RPS6KC1: variants seen among roughly 807,000 people sequenced by gnomAD.
The protein encoded by RPS6KC1 is ribosomal protein S6 kinase C1.
A neutral mutation model predicts 103.8 loss-of-function variants in RPS6KC1; 54 were observed. The observed-to-expected ratio is 0.52, with a 90% confidence interval of 0.42 to 0.65. The LOEUF is 0.65. Ranked by LOEUF, RPS6KC1 falls within the 30% of genes least tolerant of loss-of-function variation. The pLI, the probability that RPS6KC1 is intolerant of heterozygous loss-of-function variation, is 0.00. For missense variants in RPS6KC1, 1,151 were observed against 1,253.8 expected (o/e 0.92, Z 1.24); for synonymous variants, 439 against 438.7 (o/e 1.00, Z -0.01).
chr1:213,485,888 T>C, the RPS6KC1 span, among the ~76,000 whole-genome samples: 1 of 152,142 alleles, frequency 6.6e-6, no homozygotes. Flanking sequence ...AAGAAAAAAA[T>C]GTGTGGCAGA....
chr1:213,800,116 C>A, the RPS6KC1 span, among the ~76,000 whole-genome samples: 1 of 152,128 alleles, frequency 6.6e-6, no homozygotes, highest in Admixed American at 6.5e-5. Flanking sequence ...AATCCGAATA[C>A]CGTCACATAG....
chr1:213,584,477 C>G, the RPS6KC1 span, among the ~76,000 whole-genome samples: 4 of 152,208 alleles, frequency 2.6e-5, no homozygotes, highest in Non-Finnish European at 5.9e-5. Context: ...CAACATCTGG[C>G]TTGTCCAGCT....
At chr1:213,763,894 AT>A in the RPS6KC1 span, among the ~76,000 whole-genome samples, 1 of 152,154 alleles carries the variant, frequency 6.6e-6, no homozygotes, top group Non-Finnish European at 1.5e-5. Flanking sequence ...ATTTATGTGA[AT>A]TTTATCTTCA....
the RPS6KC1 span, among the ~76,000 whole-genome samples, chr1:213,672,479 A>C: frequency 6.6e-6 from 1 of 152,212 alleles, no homozygotes; most frequent in East Asian, 1.9e-4. Flanking sequence ...GCTGAAAGTG[A>C]GACAGTGAAA....
At chr1:213,569,879 C>A in the RPS6KC1 span, among the ~76,000 whole-genome samples, 1 of 152,146 alleles carries the variant, frequency 6.6e-6, no homozygotes, top group Admixed American at 6.5e-5. Flanking sequence ...AAATCTAAGG[C>A]CTGCTGCCTC....
the RPS6KC1 span, among the ~76,000 whole-genome samples, chr1:213,616,916 C>A: frequency 6.6e-6 from 1 of 152,160 alleles, no homozygotes; most frequent in Non-Finnish European, 1.5e-5. Context: ...CAAAGGCCTG[C>A]ATTCATATCT....
chr1:213,261,761 C>T, intron 13 of RPS6KC1, 121 bp downstream of exon 13: 7 of 780,556 alleles, frequency 9.0e-6, no homozygotes, highest in East Asian at 5.0e-5. Flanking sequence ...ACTTTGATAT[C>T]GAAAGCAAGT....
At position 213,240,736 on chromosome 1, in the gene RPS6KC1, A is replaced by G; in HGVS notation, c.1260A>G (p.Leu420=). ...GKLWSYISKF[L]NRSPEESFDI... is the part of the protein sequence containing the mutation. ...TGTGGTCATATATCAGTAAATTTCT[A>G]AACAGAAGTCCTGAAGAAAGCTTTG... is the stretch of plus-strand genomic sequence containing the variant. The change falls in exon 11 of 15, where the codon CTA becomes CTG. Residue 420 remains leucine (L), a synonymous_variant. Transcript: ENST00000366960. 6.2e-7 allele frequency: 1 copy of G among 1,612,918 alleles called. No individual in the cohort carries two copies. The highest frequency in any genetic ancestry group is 2.2e-5 in the East Asian group (1 of 44,878).
the RPS6KC1 span, among the ~76,000 whole-genome samples, chr1:213,460,994 C>T: frequency 1.1e-4 from 16 of 151,992 alleles, no homozygotes; most frequent in Admixed American, 7.9e-4. Context: ...GTGGGTAACC[C>T]GACCTTTCTG....
the RPS6KC1 span, among the ~76,000 whole-genome samples, chr1:213,756,407 A>C: frequency 6.6e-6 from 1 of 152,196 alleles, no homozygotes. Flanking sequence ...ACAGAAAACT[A>C]GTACAGGCAT....
At chr1:213,492,132 C>T in the RPS6KC1 span, among the ~76,000 whole-genome samples, 1 of 152,196 alleles carries the variant, frequency 6.6e-6, no homozygotes, top group Non-Finnish European at 1.5e-5. Context: ...TTCGGCATGA[C>T]ACCATTGTGT....
chr1:213,568,858 G>T, the RPS6KC1 span, among the ~76,000 whole-genome samples: 5 of 152,198 alleles, frequency 3.3e-5, no homozygotes, highest in Non-Finnish European at 5.9e-5. Context: ...AGGGAATTGT[G>T]AGTCAAGGAG....
At chr1:213,439,430 A>G in the RPS6KC1 span, among the ~76,000 whole-genome samples, 1 of 151,904 alleles carries the variant, frequency 6.6e-6, no homozygotes, top group African/African-American at 2.4e-5. Context: ...TTATTGGTAG[A>G]ACTAAGAAGT....
the RPS6KC1 span, among the ~76,000 whole-genome samples, chr1:213,426,752 G>C: frequency 2.0e-5 from 3 of 152,040 alleles, no homozygotes; most frequent in African/African-American, 7.2e-5. Flanking sequence ...TTTTGCTTTT[G>C]TGTATTCTTT....
chr1:213,533,843 G>T, the RPS6KC1 span, among the ~76,000 whole-genome samples: 1 of 152,284 alleles, frequency 6.6e-6, no homozygotes, highest in East Asian at 1.9e-4. Flanking sequence ...ACACTGCAAA[G>T]GGAGAAAACA....
chr1:213,124,849 A>G (rs1487016784), intron 5 of RPS6KC1, among the ~76,000 whole-genome samples: 1 of 152,154 alleles, frequency 6.6e-6, no homozygotes, highest in East Asian at 1.9e-4. Flanking sequence ...CAGGCATGGT[A>G]AGATGCAACT....
chr1:213,249,194 A>T (rs894655955), intron 12 of RPS6KC1, among the ~76,000 whole-genome samples: 1 of 152,170 alleles, frequency 6.6e-6, no homozygotes, highest in African/African-American at 2.4e-5. Flanking sequence ...CCACTGCATT[A>T]TTATAAAGAA....
chr1:213,078,697 C>T (rs981651145), intron 3 of RPS6KC1, among the ~76,000 whole-genome samples: 6 of 152,158 alleles, frequency 3.9e-5, no homozygotes, highest in African/African-American at 9.7e-5. Flanking sequence ...CCACTGTGCC[C>T]GGGCCAGAAC....
the RPS6KC1 span, among the ~76,000 whole-genome samples, chr1:213,654,408 A>AT: frequency 1.0e-3 from 159 of 152,328 alleles, no homozygotes; most frequent in African/African-American, 3.2e-3. Context: ...TTCATATCCA[A>AT]TATATCCTTC....
Sources: allele counts gnomAD v4.1 joint callset (sites outside exome capture counted in the v4.1 genomes callset), GRCh38; gene constraint gnomAD v4.1.1; transcripts MANE v1.5; gene names NCBI Gene and HGNC (gene_info 2026-07-23, HGNC 2026-07-21).